NTN4: variants seen among roughly 807,000 people sequenced by gnomAD.
NTN4 encodes netrin 4.
NTN4 carries 32 observed loss-of-function variants against 73.6 expected under a neutral mutation model. The observed-to-expected ratio is 0.44, with a 90% CI of 0.33 to 0.58. NTN4 has a LOEUF of 0.58. Among genes scored for constraint, NTN4 ranks in the 20% least tolerant of loss-of-function variants. The probability of loss-of-function intolerance (pLI) is 0.04; values close to 1 mark genes in which losing one functional copy is unlikely to be tolerated. For synonymous variants in NTN4, 258 were observed against 287.5 expected (o/e 0.90, Z 1.04); for missense variants, 654 against 798.3 (o/e 0.82, Z 2.18).
intron 2 of NTN4, among the ~76,000 whole-genome samples, chr12:95,773,475 C>T (rs2079071673): frequency 6.6e-6 from 1 of 152,090 alleles, no homozygotes; most frequent in South Asian, 2.1e-4. Context: ...TTTTGAGGGC[C>T]CGCATGCCCA....
At position 95,676,702 on chromosome 12, in the gene NTN4, T is replaced by TA. The variant is rs202069385; in HGVS notation, c.1510+6004dup. ...TAAAAAAGCAAACTTAGAGAAAACA[T>TA]AAAAAAAAAATAAAGATAAGAGCAG... On this transcript the variant is annotated intron_variant, in intron 7 of 9. Transcript: ENST00000343702. Among the ~76,000 whole-genome samples, 59 of 141,502 alleles carry TA rather than the reference T, an allele frequency of 4.2e-4. 1 individual carries two copies. The East Asian group carries it at 6.5e-3, about 16-fold the overall frequency. 92.8% of individuals were successfully genotyped at this position (141,502 alleles called of 152,430 possible).
chr12:95,768,400 G>A (rs1330773043), intron 2 of NTN4, among the ~76,000 whole-genome samples: 1 of 152,064 alleles, frequency 6.6e-6, no homozygotes, highest in Non-Finnish European at 1.5e-5. Flanking sequence ...TTAAATGAAT[G>A]AGAGGCAGGA....
chr12:95,743,225 C>T (rs1278936187), intron 2 of NTN4, among the ~76,000 whole-genome samples: 1 of 152,146 alleles, frequency 6.6e-6, no homozygotes, highest in Non-Finnish European at 1.5e-5. Flanking sequence ...ATACTAGACA[C>T]ATCCTCACAT....
At chr12:95,684,722 A>C (rs560976976) in intron 5 of NTN4, among the ~76,000 whole-genome samples, 74 of 152,332 alleles carry the variant, frequency 4.9e-4, no homozygotes, top group African/African-American at 1.8e-3. Flanking sequence ...TGGGATGGCA[A>C]AAGTAGTTGA....
intron 9 of NTN4, among the ~76,000 whole-genome samples, chr12:95,664,928 A>G (rs145468774): frequency 2.4e-4 from 36 of 152,182 alleles, no homozygotes; most frequent in African/African-American, 7.9e-4. Context: ...TAAATAATGC[A>G]CCTGTTTCAT....
rs767652569 is a variant in NTN4, at chr12:95,659,112, C to A, written c.1861G>T (p.Asp621Tyr). ...TACTTGCACTCTCTTTTTAAAATATCCATGACTTTTCTTCCAAGAGAAGGT... is the reference window on the plus strand; with the variant it reads ...TACTTGCACTCTCTTTTTAAAATATACATGACTTTTCTTCCAAGAGAAGGT... ...WKPSLGRKVM[D>Y]ILKRECK The change falls in exon 10 of 10, where the codon GAT (aspartate) becomes TAT (tyrosine). Residue 621 changes from aspartate to tyrosine, a missense_variant. Transcript: ENST00000343702. The A allele has an allele frequency of 6.2e-7, 1 of 1,613,164 alleles. No individual in the cohort carries two copies. Among genetic ancestry groups the A allele is most frequent in the Non-Finnish European group, 8.5e-7 (1 of 1,179,744 alleles).
chr12:95,723,916 C>T (rs897461737), intron 3 of NTN4, among the ~76,000 whole-genome samples: 1 of 152,142 alleles, frequency 6.6e-6, no homozygotes, highest in South Asian at 2.1e-4. Flanking sequence ...GAGTTAAATA[C>T]ATCTTTGACT....
At position 95,737,895 on chromosome 12, in the gene NTN4, G is replaced by T. The variant is rs773913361; in HGVS notation, c.835C>A (p.Pro279Thr). 6.2e-7 allele frequency: 1 copy of T among 1,613,936 alleles called. No homozygotes were observed. Among genetic ancestry groups the T allele is most frequent in the Non-Finnish European group, 8.5e-7 (1 of 1,179,848 alleles). ...DQCIPVHGFR[P>T]VKAPGTFHMV... Reference sequence around the variant, plus strand: ...TGGAATGTTCCTGGGGCCTTGACAGGTCTGAAGCCATGAACAGGTATGCAT... The same window carrying T: ...TGGAATGTTCCTGGGGCCTTGACAGTTCTGAAGCCATGAACAGGTATGCAT... Residue 279 changes from proline (P) to threonine (T), a missense_variant, in exon 3 of 10, where the codon CCT (proline) becomes ACT (threonine). By Grantham distance (38) the Pro-to-Thr change is conservative. Coordinates refer to ENST00000343702, the MANE Select transcript of NTN4 (RefSeq NM_021229.4).
intron 3 of NTN4, among the ~76,000 whole-genome samples, chr12:95,732,288 CT>C (rs1001020127): frequency 2.7e-5 from 4 of 149,514 alleles, no homozygotes; most frequent in African/African-American, 9.9e-5. Context: ...CCTTAAAATC[CT>C]GATTTTACAG....
intron 2 of NTN4, among the ~76,000 whole-genome samples, chr12:95,773,907 C>A (rs12099491): frequency 2.0e-5 from 3 of 152,024 alleles, no homozygotes; most frequent in Admixed American, 6.6e-5. Context: ...CTTCCCTCCC[C>A]GCAAAAACCA....
intron 5 of NTN4, among the ~76,000 whole-genome samples, chr12:95,693,745 AAAAAAAG>A (rs2078419720): frequency 6.7e-6 from 1 of 149,604 alleles, no homozygotes; most frequent in Admixed American, 6.6e-5. Context: ...GAAAAAAAAA[AAAAAAAG>A]AAAAAGAAAA....
chr12:95,712,487 G>T (rs113613925), intron 4 of NTN4, among the ~76,000 whole-genome samples: 1 of 152,132 alleles, frequency 6.6e-6, no homozygotes, highest in Non-Finnish European at 1.5e-5. Flanking sequence ...TTAACACCAC[G>T]TGCTTTATTG....
Position 95,682,753 on chromosome 12 carries a change from G to C in NTN4, c.1464C>G (p.Ala488=). The change falls in exon 7 of 10, where the codon GCC becomes GCG. Residue 488 remains alanine, a synonymous_variant. Transcript: ENST00000343702. The part of the protein sequence containing the change: ...FRPVHNKSEP[A]WEWEDAQGFS... ...ACCCCTGCGCATCCTCCCACTCCCA[G>C]GCTGGTTCGCTCTTATTGTGCACGG... The C allele has an allele frequency of 6.2e-7, 1 of 1,613,986 alleles. No homozygotes were observed. The highest frequency in any genetic ancestry group is 8.5e-7 in the Non-Finnish European group (1 of 1,179,938).
Position 95,713,235 on chromosome 12 carries a change from G to C in NTN4, c.968C>G (p.Thr323Arg). The C allele has an allele frequency of 6.2e-7, 1 of 1,613,518 alleles. No individual in the cohort carries two copies. Among genetic ancestry groups the C allele is most frequent in the Non-Finnish European group, 8.5e-7 (1 of 1,179,534 alleles). ...DRPWEAADGK[T>R]GAPNECRTCK... ...ACTTCTGCACTCGTTGGGAGCCCCC[G>C]TTTTGCCATCAGCTGCCTCCCATGG... The change falls in exon 4 of 10, where the codon ACG (threonine) becomes AGG (arginine). Residue 323 changes from threonine to arginine, a missense_variant. Thr to Arg is a moderately conservative substitution (Grantham distance 71). Coordinates refer to ENST00000343702, the MANE Select transcript of NTN4 (RefSeq NM_021229.4).
chr12:95,785,160 A>C (rs1424335736), intron 2 of NTN4, among the ~76,000 whole-genome samples: 1 of 152,194 alleles, frequency 6.6e-6, no homozygotes, highest in African/African-American at 2.4e-5. Flanking sequence ...ATAAATTTGC[A>C]ATAAATTCAA....
rs777701252 is a variant in NTN4 at position 95,658,897 on chromosome 12, C to G, written c.*189G>C. On this transcript the variant is annotated 3_prime_UTR_variant, in exon 10 of 10. Transcript: ENST00000343702. ...GATATCAGTGTAGGGGTTTTCATTT[C>G]TCTTCATGAAATAAAACTGTATTTA... is the stretch of plus-strand genomic sequence containing the variant. The G allele has an allele frequency of 6.0e-6, 3 of 498,076 alleles. No individual in the cohort carries two copies. Among genetic ancestry groups the G allele is most frequent in the Admixed American group, 7.7e-5 (2 of 25,932 alleles). 30.9% of individuals were successfully genotyped at this position (498,076 alleles called of 1,614,324 possible).
At chr12:95,744,942 T>C (rs1012558477) in intron 2 of NTN4, among the ~76,000 whole-genome samples, 1 of 152,058 alleles carries the variant, frequency 6.6e-6, no homozygotes, top group African/African-American at 2.4e-5. Context: ...GACTTCTTTT[T>C]TTCTTTCGGC....
At chr12:95,696,381 T>G (rs1300803297) in intron 5 of NTN4, among the ~76,000 whole-genome samples, 1 of 152,220 alleles carries the variant, frequency 6.6e-6, no homozygotes, top group Non-Finnish European at 1.5e-5. Flanking sequence ...GTTTTTTAAA[T>G]TGAACTATTT....
At chr12:95,663,972 T>A (rs2120916314) in intron 9 of NTN4, among the ~76,000 whole-genome samples, 1 of 152,296 alleles carries the variant, frequency 6.6e-6, no homozygotes, top group Admixed American at 6.5e-5. Flanking sequence ...GAAATAGAAC[T>A]TACATGAATT....
Sources: allele counts gnomAD v4.1 joint callset (sites outside exome capture counted in the v4.1 genomes callset), GRCh38; gene constraint gnomAD v4.1.1; transcripts MANE v1.5; gene names NCBI Gene and HGNC (gene_info 2026-07-23, HGNC 2026-07-21).